The following NOX4 variants were observed in gnomAD, a reference collection of about 807,000 sequenced individuals.
NOX4 encodes the protein kidney oxidase-1.
In NOX4, 69 loss-of-function variants were observed where a neutral mutation model predicts 87.6. The ratio of observed to expected loss-of-function variants is 0.79; its 90% CI spans 0.65 to 0.96. The LOEUF (loss-of-function observed/expected upper bound fraction) is 0.96, where lower values mean the gene tolerates loss of function less well. NOX4 is among the 40% of genes least tolerant of loss of function. NOX4 has a pLI of 0.00. For synonymous variants in NOX4, 275 were observed against 238.2 expected, an observed-to-expected ratio of 1.15 and a Z score of -1.42; for missense variants, 680 against 681.5, an observed-to-expected ratio of 1.00 and a Z score of 0.02.
chr11:89,524,086 T>TA, the NOX4 span, among the ~76,000 whole-genome samples: 2 of 152,204 alleles, frequency 1.3e-5, no homozygotes, highest in Non-Finnish European at 2.9e-5. Context: ...GGTTTATGGA[T>TA]ATACAAATCT....
intron 7 of NOX4, among the ~76,000 whole-genome samples, chr11:89,424,347 G>T (rs1257751317): frequency 6.7e-6 from 1 of 148,916 alleles, no homozygotes; most frequent in Non-Finnish European, 1.5e-5. Flanking sequence ...TAATTCTCTT[G>T]GATTCTCTTA....
chr11:89,587,059 A>T, the NOX4 span, among the ~76,000 whole-genome samples: 1 of 152,202 alleles, frequency 6.6e-6, no homozygotes, highest in African/African-American at 2.4e-5. Flanking sequence ...AGATGATAAA[A>T]AAGGCAACTT....
the NOX4 span, chr11:89,589,381 G>A: frequency 6.6e-6 from 1 of 152,178 alleles, no homozygotes; most frequent in East Asian, 1.9e-4. Flanking sequence ...TTCAACCAGA[G>A]AATATGGCAG....
chr11:89,366,128 T>A (rs1276293131), intron 12 of NOX4, among the ~76,000 whole-genome samples: 1 of 152,096 alleles, frequency 6.6e-6, no homozygotes, highest in Non-Finnish European at 1.5e-5. Flanking sequence ...TTCTTAGCCA[T>A]TCAGTACATT....
intron 13 of NOX4, among the ~76,000 whole-genome samples, chr11:89,353,600 C>A (rs765006896): frequency 9.2e-5 from 14 of 152,254 alleles, no homozygotes; most frequent in Non-Finnish European, 1.8e-4. Flanking sequence ...AGTGTGACAG[C>A]TTTATTGCAG....
chr11:89,568,900 A>G, the NOX4 span, among the ~76,000 whole-genome samples: 2 of 152,214 alleles, frequency 1.3e-5, no homozygotes, highest in African/African-American at 2.4e-5. Context: ...AAGTTAACAA[A>G]AACAAGCAAT....
Position 89,488,845 on chromosome 11 carries a change from T to A in NOX4, c.153+1613A>T, listed in dbSNP as rs539657123. ...AAAACCAAAAAGTTATCAGACCTCATGTGTTTATTAGAAGAAACCTTTTCT... is the reference window on the plus strand; with the variant it reads ...AAAACCAAAAAGTTATCAGACCTCAAGTGTTTATTAGAAGAAACCTTTTCT... On this transcript the variant is annotated intron_variant, in intron 2 of 17. Coordinates refer to ENST00000263317, the MANE Select transcript of NOX4 (RefSeq NM_016931.5). 137 of 590,554 alleles carry A rather than the reference T, an allele frequency of 2.3e-4. 1 individual carries two copies. The South Asian group carries it at 2.6e-3, about 11-fold the overall frequency. The allele number at this position is 590,554 out of a possible 1,614,324, so 36.6% of individuals were successfully genotyped here.
At chr11:89,493,010 T>G (rs1946897749), upstream of NOX4, among the ~76,000 whole-genome samples, 3 of 152,252 alleles carry the variant, frequency 2.0e-5, 1 homozygote, top group Non-Finnish European at 4.4e-5. Context: ...TCCCAGGCTC[T>G]GTCTTTGCTA....
intron 7 of NOX4, among the ~76,000 whole-genome samples, chr11:89,430,453 C>T (rs1002873200): frequency 1.4e-4 from 21 of 152,148 alleles, no homozygotes; most frequent in African/African-American, 4.8e-4. Flanking sequence ...ATTTAGAAAA[C>T]CCTATCATCT....
At chr11:89,438,990 A>G (rs1273754022) in intron 6 of NOX4, among the ~76,000 whole-genome samples, 1 of 106,426 alleles carries the variant, frequency 9.4e-6, no homozygotes, top group Non-Finnish European at 1.8e-5. Flanking sequence ...ATATTATATT[A>G]TTAATATAAT....
the NOX4 span, among the ~76,000 whole-genome samples, chr11:89,580,595 TG>T: frequency 2.6e-5 from 4 of 152,198 alleles, no homozygotes; most frequent in African/African-American, 4.8e-5. Flanking sequence ...ATATTATTCT[TG>T]GGCAAAATCA....
chr11:89,572,476 GTTC>G, the NOX4 span, among the ~76,000 whole-genome samples: 1 of 152,164 alleles, frequency 6.6e-6, no homozygotes, highest in East Asian at 1.9e-4. Flanking sequence ...TTGCTATTAA[GTTC>G]TTCTTGAGAC....
At chr11:89,518,200 T>A in the NOX4 span, among the ~76,000 whole-genome samples, 1 of 151,876 alleles carries the variant, frequency 6.6e-6, no homozygotes. Context: ...AAAAGAAAAA[T>A]TAAACCTATT....
chr11:89,355,041 G>A lies in NOX4; in HGVS notation c.1138C>T (p.Arg380Ter), dbSNP rs1461642703. 5.0e-6 allele frequency: 8 copies of A among 1,588,374 alleles called. No homozygotes were observed. Among genetic ancestry groups the A allele is most frequent in the South Asian group, 2.2e-5 (2 of 89,390 alleles). ...GGAGGCAGTAGTAAATCTCGAAATCGTTCTGTCAAAAGAAAAATAAACATC... is the reference window on the plus strand; with the variant it reads ...GGAGGCAGTAGTAAATCTCGAAATCATTCTGTCAAAAGAAAAATAAACATC... The part of the protein sequence containing the change: ...HLKIVGDWTE[R>*]FRDLLLPPSS... Residue 380 changes from arginine (R) to a stop codon, truncating the protein, a stop_gained and splice_region_variant, in exon 13 of 18, where the codon CGA becomes TGA. Transcript: ENST00000263317. LOFTEE classifies it high-confidence loss of function.
chr11:89,558,143 T>C, the NOX4 span, among the ~76,000 whole-genome samples: 2 of 152,092 alleles, frequency 1.3e-5, no homozygotes, highest in African/African-American at 4.8e-5. Context: ...ACTATCTTTT[T>C]ACTTATGCAA....
rs1218383202 is a variant in NOX4, at chr11:89,325,856, G to GA, written c.*899dup. 5 of 145,372 alleles carry GA rather than the reference G, an allele frequency of 3.4e-5. No individual in the cohort carries two copies. The South Asian group carries it at 8.7e-4, about 25-fold the overall frequency. 9.0% of individuals were successfully genotyped at this position (145,372 alleles called of 1,614,324 possible). On this transcript the variant is annotated 3_prime_UTR_variant, in exon 18 of 18. Coordinates refer to ENST00000263317, the MANE Select transcript of NOX4 (RefSeq NM_016931.5). ...TAATAATAATAGAGACAAAAATGCT[G>GA]AAAAAAGGGAAAAGTTATTAGTATA...
chr11:89,454,436 TG>T (rs1945098277), intron 2 of NOX4, among the ~76,000 whole-genome samples: 1 of 152,088 alleles, frequency 6.6e-6, no homozygotes, highest in Non-Finnish European at 1.5e-5. Flanking sequence ...TCAATGACTT[TG>T]GGTAGTGTCT....
chr11:89,432,824 C>G lies in NOX4; in HGVS notation c.508G>C (p.Val170Leu). The part of the protein sequence containing the change: ...PGLTGVCMVV[V>L]LFLMITASTY... ...GAGGCTGTGATCATGAGGAATAGCA[C>G]CACCACCATGCAGACCCCTGTCAGG... The change falls in exon 7 of 18, where the codon GTG becomes CTG. Residue 170 changes from valine (V) to leucine (L), a missense_variant. Coordinates refer to ENST00000263317, the MANE Select transcript of NOX4 (RefSeq NM_016931.5). The G allele has an allele frequency of 6.2e-7, 1 of 1,611,252 alleles. No individual in the cohort carries two copies. The highest frequency in any genetic ancestry group is 8.5e-7 in the Non-Finnish European group (1 of 1,178,058).
At position 89,489,736 on chromosome 11, in the gene NOX4, A is replaced by G. The variant is rs912845167; in HGVS notation, c.153+722T>C. On this transcript the variant is annotated intron_variant, in intron 2 of 17. Transcript: ENST00000263317. ...CAGCAAGACTCTGTCTCAAAAAAAA[A>G]AAAAGAAAGAAAGAAAGAAAGAAAA... Among the ~76,000 whole-genome samples the G allele has an allele frequency of 3.3e-5, 5 of 151,340 alleles. 1 individual carries two copies. Among genetic ancestry groups the G allele is most frequent in the African/African-American group, 1.2e-4 (5 of 41,300 alleles).
Sources: gnomAD v4.1 joint callset for allele counts (sites outside exome capture counted in the v4.1 genomes callset) on GRCh38, gnomAD v4.1.1 for gene constraint, MANE v1.5 for transcripts, NCBI Gene and HGNC (gene_info 2026-07-23, HGNC 2026-07-21) for gene names.